The following RBFOX1 variants were observed in gnomAD, a reference collection of about 807,000 sequenced individuals.
The protein encoded by RBFOX1 is RNA binding fox-1 homolog 1.
RBFOX1 carries 8 observed loss-of-function variants against 57.7 expected under a neutral mutation model. The observed-to-expected ratio is 0.14, with a 90% CI of 0.08 to 0.25. RBFOX1 has a LOEUF of 0.25. Ranked by LOEUF, RBFOX1 falls within the 10% of genes least tolerant of loss-of-function variation. The pLI is 1.00. For synonymous variants in RBFOX1, 326 were observed against 222.4 expected, an observed-to-expected ratio of 1.47 and a Z score of -4.15; for missense variants, 611 against 548.5, an observed-to-expected ratio of 1.11 and a Z score of -1.14.
intron 3 of RBFOX1, among the ~76,000 whole-genome samples, chr16:6,783,270 T>A (rs2081334627): frequency 6.6e-6 from 1 of 151,842 alleles, no homozygotes; most frequent in Non-Finnish European, 1.5e-5. Flanking sequence ...ACTACCGCCA[T>A]TTAGTTGTTT....
chr16:6,683,986 G>A (rs144536933), intron 3 of RBFOX1, among the ~76,000 whole-genome samples: 11 of 152,248 alleles, frequency 7.2e-5, no homozygotes, highest in East Asian at 3.9e-4. Context: ...ATGTTACCCC[G>A]ACATGTTACA....
At chr16:7,071,306 G>T (rs758110332) in intron 4 of RBFOX1, among the ~76,000 whole-genome samples, 3 of 152,146 alleles carry the variant, frequency 2.0e-5, no homozygotes, top group Admixed American at 6.5e-5. Context: ...GGTGTGAAAA[G>T]GTAGGTATAT....
intron 3 of RBFOX1, among the ~76,000 whole-genome samples, chr16:5,681,376 G>T (rs1314997311): frequency 1.3e-5 from 2 of 148,524 alleles, no homozygotes; most frequent in African/African-American, 5.0e-5. Context: ...GAGCTACCGT[G>T]CCCAGCTTTT....
At chr16:7,502,493 A>C (rs2071284012) in intron 4 of RBFOX1, among the ~76,000 whole-genome samples, 1 of 152,186 alleles carries the variant, frequency 6.6e-6, no homozygotes, top group Admixed American at 6.5e-5. Context: ...TGGGTTGTTT[A>C]GACTATGTTT....
chr16:7,519,190 G>C (rs1170149276), intron 5 of RBFOX1, among the ~76,000 whole-genome samples: 1 of 152,004 alleles, frequency 6.6e-6, no homozygotes, highest in African/African-American at 2.4e-5. Context: ...TACAAATCTT[G>C]TGCCCCTTTG....
chr16:7,387,202 T>C (rs1261891215), intron 4 of RBFOX1, among the ~76,000 whole-genome samples: 1 of 152,202 alleles, frequency 6.6e-6, no homozygotes, highest in Non-Finnish European at 1.5e-5. Context: ...TTTGAGTGCT[T>C]GCCACACACC....
At chr16:6,676,662 GT>G (rs1429678148) in intron 3 of RBFOX1, among the ~76,000 whole-genome samples, 2 of 136,964 alleles carry the variant, frequency 1.5e-5, no homozygotes, top group Non-Finnish European at 3.2e-5. Context: ...TTTTCTTTTT[GT>G]TTTTCTTTTC....
intron 3 of RBFOX1, among the ~76,000 whole-genome samples, chr16:6,975,745 C>G (rs907979349): frequency 3.3e-5 from 5 of 152,164 alleles, no homozygotes; most frequent in Admixed American, 1.3e-4. Flanking sequence ...TGAAAGTTTT[C>G]TACTCCTATG....
chr16:7,199,506 C>A (rs1012139895), intron 4 of RBFOX1, among the ~76,000 whole-genome samples: 19 of 152,116 alleles, frequency 1.2e-4, no homozygotes, highest in African/African-American at 4.3e-4. Context: ...CAGCCAAACA[C>A]CTGTCATTGC....
At chr16:6,339,133 A>G (rs549346135) in intron 2 of RBFOX1, among the ~76,000 whole-genome samples, 1 of 152,352 alleles carries the variant, frequency 6.6e-6, no homozygotes, top group East Asian at 1.9e-4. Context: ...TGAATATTTT[A>G]TGGAATACTT....
intron 4 of RBFOX1, among the ~76,000 whole-genome samples, chr16:5,893,772 C>G (rs966184480): frequency 2.6e-5 from 4 of 151,386 alleles, no homozygotes; most frequent in African/African-American, 9.7e-5. Context: ...CGCCACTGCA[C>G]TCCAGCCTGG....
chr16:7,573,292 C>T (rs969303432), intron 5 of RBFOX1, among the ~76,000 whole-genome samples: 11 of 152,052 alleles, frequency 7.2e-5, no homozygotes, highest in African/African-American at 2.7e-4. Context: ...AGGCAGCAGG[C>T]AAAGTGGGAG....
chr16:5,533,237 G>A (rs2044557315), intron 2 of RBFOX1, among the ~76,000 whole-genome samples: 1 of 152,146 alleles, frequency 6.6e-6, no homozygotes, highest in East Asian at 1.9e-4. Flanking sequence ...TGTGCGCCAA[G>A]GCAATTCACA....
chr16:6,702,182 A>G (rs1896545263), intron 3 of RBFOX1, among the ~76,000 whole-genome samples: 4 of 152,202 alleles, frequency 2.6e-5, no homozygotes, highest in African/African-American at 2.4e-5. Flanking sequence ...CTGCTCTACC[A>G]TGATCCAGAC....
At chr16:7,380,713 T>C (rs944763793) in intron 4 of RBFOX1, among the ~76,000 whole-genome samples, 1 of 152,208 alleles carries the variant, frequency 6.6e-6, no homozygotes. Flanking sequence ...CTGTTTTCGT[T>C]TGCACCTGAA....
At chr16:7,227,461 T>C (rs1227038117) in intron 4 of RBFOX1, among the ~76,000 whole-genome samples, 1 of 152,068 alleles carries the variant, frequency 6.6e-6, no homozygotes. Flanking sequence ...CACTTAAAAG[T>C]ATGCGATTTT....
At chr16:7,077,286 G>C (rs183241181) in intron 4 of RBFOX1, among the ~76,000 whole-genome samples, 1 of 152,308 alleles carries the variant, frequency 6.6e-6, no homozygotes, top group African/African-American at 2.4e-5. Flanking sequence ...CTGTCTCAAA[G>C]TACATCGGTG....
At chr16:7,501,522 A>G (rs976496767) in intron 4 of RBFOX1, among the ~76,000 whole-genome samples, 4 of 152,190 alleles carry the variant, frequency 2.6e-5, no homozygotes, top group African/African-American at 9.7e-5. Flanking sequence ...AGAGCTTTAC[A>G]ATCCAGTAGC....
intron 3 of RBFOX1, among the ~76,000 whole-genome samples, chr16:5,759,434 ATG>A (rs2053515997): frequency 6.6e-6 from 1 of 152,170 alleles, no homozygotes; most frequent in Non-Finnish European, 1.5e-5. Context: ...TCCTCACATC[ATG>A]TGTTGACACA....
Sources: allele counts gnomAD v4.1 joint callset (sites outside exome capture counted in the v4.1 genomes callset), GRCh38; gene constraint gnomAD v4.1.1; transcripts MANE v1.5; gene names NCBI Gene and HGNC (gene_info 2026-07-23, HGNC 2026-07-21).